Variants in ZNF438 observed in about 807,000 individuals in gnomAD.
ZNF438 encodes the protein zinc finger protein 438.
In ZNF438, 25 loss-of-function variants were observed where a neutral mutation model predicts 38.0. The observed-to-expected ratio is 0.66, with a 90% CI of 0.48 to 0.92. The LOEUF (loss-of-function observed/expected upper bound fraction) is 0.92. Ranked by LOEUF, ZNF438 falls within the 40% of genes least tolerant of loss-of-function variation. ZNF438 has a pLI of 0.00. For missense variants in ZNF438, 1,007 were observed against 999.6 expected, an observed-to-expected ratio of 1.01 and a Z score of -0.10; for synonymous variants, 372 against 364.1, an observed-to-expected ratio of 1.02 and a Z score of -0.25.
intron 1 of ZNF438, among the ~76,000 whole-genome samples, chr10:30,977,877 G>C (rs570021623): frequency 2.0e-4 from 30 of 151,992 alleles, no homozygotes; most frequent in African/African-American, 7.2e-4. Flanking sequence ...CAGCTACTCA[G>C]AAGGCTGAGG....
rs79170180 is a variant in ZNF438, at chr10:30,985,126, T to C, written c.-191-43475A>G. ...GTAACCCATTTCTAAATGTACTAAATGTACTGTAACTGATACTTCATTCTT... is the reference window on the plus strand; with the variant it reads ...GTAACCCATTTCTAAATGTACTAAACGTACTGTAACTGATACTTCATTCTT... On this transcript the variant is annotated intron_variant, in intron 1 of 5. Transcript: ENST00000413025. Among the ~76,000 whole-genome samples the C allele has an allele frequency of 5.6e-3, 851 of 152,294 alleles. 6 individuals carry two copies. Among genetic ancestry groups the C allele is most frequent in the Middle Eastern group, 0.024 (7 of 294 alleles).
chr10:30,890,145 A>G (rs1032379838), intron 3 of ZNF438, among the ~76,000 whole-genome samples: 2 of 152,076 alleles, frequency 1.3e-5, no homozygotes, highest in Non-Finnish European at 2.9e-5. Flanking sequence ...AGAAGTCCAA[A>G]AAACATTATT....
At chr10:30,922,402 C>T (rs940133831) in intron 2 of ZNF438, among the ~76,000 whole-genome samples, 4 of 152,120 alleles carry the variant, frequency 2.6e-5, no homozygotes, top group African/African-American at 7.2e-5. Flanking sequence ...AGAAGGATGT[C>T]TGATTTAAAA....
At position 31,006,799 on chromosome 10, in the gene ZNF438, G is replaced by A. The variant is rs145988319; in HGVS notation, c.-192+25034C>T. 4.4e-3 allele frequency among the ~76,000 whole-genome samples: 662 copies of A among 150,180 alleles called. 4 individuals are homozygous for A. The highest frequency in any genetic ancestry group is 7.4e-3 in the Non-Finnish European group (502 of 67,514). On this transcript the variant is annotated intron_variant, in intron 1 of 5. Transcript: ENST00000413025. ...GGGGCGGGGGGGGGAACTCCCACACGTGTGATTACAAAAGTCTTCTGTGTT... is the reference window on the plus strand; with the variant it reads ...GGGGCGGGGGGGGGAACTCCCACACATGTGATTACAAAAGTCTTCTGTGTT...
chr10:30,950,963 C>G (rs2135779835), intron 1 of ZNF438, among the ~76,000 whole-genome samples: 1 of 139,462 alleles, frequency 7.2e-6, no homozygotes, highest in South Asian at 2.4e-4. Flanking sequence ...AATTTTAGAC[C>G]AATATCCTTG....
At chr10:31,027,284 C>T (rs1174227374) in intron 1 of ZNF438, among the ~76,000 whole-genome samples, 3 of 152,032 alleles carry the variant, frequency 2.0e-5, no homozygotes, top group Middle Eastern at 6.3e-3. Flanking sequence ...TATTTAAATG[C>T]TCAGTATGTA....
At chr10:30,909,260 A>T (rs1238198331) in intron 2 of ZNF438, among the ~76,000 whole-genome samples, 1 of 152,194 alleles carries the variant, frequency 6.6e-6, no homozygotes, top group African/African-American at 2.4e-5. Context: ...CTTGAATTAT[A>T]TGAAGTTACA....
At chr10:30,991,118 C>T (rs1408258181) in intron 1 of ZNF438, among the ~76,000 whole-genome samples, 1 of 152,184 alleles carries the variant, frequency 6.6e-6, no homozygotes, top group Non-Finnish European at 1.5e-5. Flanking sequence ...CCCTGCACCT[C>T]CAAGCTCTGA....
In ZNF438 at chr10:30,950,601, C is replaced by A. The variant is rs371966286; in HGVS notation, c.-191-8950G>T. Among the ~76,000 whole-genome samples the A allele has an allele frequency of 2.6e-5, 4 of 151,090 alleles. No individual in the cohort carries two copies. In the East Asian group the frequency reaches 5.8e-4, roughly 22 times the overall value. On this transcript the variant is annotated intron_variant, in intron 1 of 5. Coordinates refer to ENST00000413025, the Ensembl canonical transcript of ZNF438. Reference sequence around the variant, plus strand: ...ATCCCACAGAAATACAAACTACCATCAGAGAATACTACAAACACCTCTATG... The same window carrying A: ...ATCCCACAGAAATACAAACTACCATAAGAGAATACTACAAACACCTCTATG...
intron 1 of ZNF438, among the ~76,000 whole-genome samples, chr10:31,023,050 AC>A (rs1402611664): frequency 1.3e-5 from 2 of 152,346 alleles, no homozygotes; most frequent in Non-Finnish European, 2.9e-5. Context: ...TTTTGCACCA[AC>A]CTAATACTTT....
intron 4 of ZNF438, among the ~76,000 whole-genome samples, chr10:30,874,651 G>A (rs576799780): frequency 2.7e-4 from 41 of 151,960 alleles, no homozygotes; most frequent in Admixed American, 7.2e-4. Flanking sequence ...CATAATTTAA[G>A]TTATAATTTC....
At chr10:30,980,152 T>C (rs1297665166) in intron 1 of ZNF438, among the ~76,000 whole-genome samples, 2 of 151,334 alleles carry the variant, frequency 1.3e-5, no homozygotes, top group Non-Finnish European at 2.9e-5. Flanking sequence ...GGAGATAAAG[T>C]CAGCAGGCCT....
intron 1 of ZNF438, among the ~76,000 whole-genome samples, chr10:30,951,667 A>C (rs887950356): frequency 2.0e-5 from 3 of 152,132 alleles, no homozygotes; most frequent in African/African-American, 7.2e-5. Context: ...AAAGAGAATA[A>C]AATACCTAGG....
At chr10:30,850,353 G>A in exon 5 of ZNF438, 1 of 1,611,180 alleles carries the variant, frequency 6.2e-7, no homozygotes, top group South Asian at 1.1e-5. Context: ...GTTCCAGAAG[G>A]GATGTTTGAT....
At chr10:30,910,081 C>G (rs138893978) in intron 2 of ZNF438, among the ~76,000 whole-genome samples, 1 of 152,204 alleles carries the variant, frequency 6.6e-6, no homozygotes, top group East Asian at 1.9e-4. Flanking sequence ...AAGCAAGCTC[C>G]TGAAGCTCTC....
At chr10:30,954,085 T>C (rs1338145221) in intron 1 of ZNF438, among the ~76,000 whole-genome samples, 3 of 151,998 alleles carry the variant, frequency 2.0e-5, no homozygotes, top group African/African-American at 7.2e-5. Context: ...GGAGGTTGCA[T>C]TGAGCCAAGA....
chr10:30,943,997 G>A (rs2047097663), intron 1 of ZNF438, among the ~76,000 whole-genome samples: 1 of 152,100 alleles, frequency 6.6e-6, no homozygotes, highest in Non-Finnish European at 1.5e-5. Flanking sequence ...TAGAGCATAA[G>A]GTCCAAATGA....
chr10:31,018,018 T>C (rs1478716387), intron 1 of ZNF438, among the ~76,000 whole-genome samples: 3 of 152,236 alleles, frequency 2.0e-5, no homozygotes, highest in African/African-American at 4.8e-5. Flanking sequence ...ACTGAGATTT[T>C]GTATGTATAA....
At chr10:30,864,747 C>T (rs58958201) in intron 4 of ZNF438, among the ~76,000 whole-genome samples, 5,978 of 152,264 alleles carry the variant, frequency 0.039, 374 homozygotes, top group African/African-American at 0.13. Context: ...CATCTCCTTC[C>T]TTTTCTTCCT....
Sources: gnomAD v4.1 joint callset for allele counts (sites outside exome capture counted in the v4.1 genomes callset) on GRCh38, gnomAD v4.1.1 for gene constraint, MANE v1.5 for transcripts, NCBI Gene and HGNC (gene_info 2026-07-23, HGNC 2026-07-21) for gene names.